The following FSTL4 variants were observed in gnomAD, a reference collection of about 807,000 sequenced individuals.
FSTL4 encodes follistatin like 4.
Under a neutral mutation model 78.2 loss-of-function variants are expected in FSTL4, and 28 were observed. That is an observed-to-expected ratio of 0.36 (90% CI 0.27 to 0.49). The LOEUF is 0.49. Among genes scored for constraint, FSTL4 ranks in the 20% least tolerant of loss-of-function variants. The pLI is 0.98. For synonymous variants in FSTL4, 422 were observed against 440.5 expected (o/e 0.96, Z 0.53); for missense variants, 922 against 1,084.9 (o/e 0.85, Z 2.11).
At chr5:133,733,486 C>T in the FSTL4 span, among the ~76,000 whole-genome samples, 1 of 152,178 alleles carries the variant, frequency 6.6e-6, no homozygotes, top group Non-Finnish European at 1.5e-5. Flanking sequence ...AGCAAACTTC[C>T]ATTTTCAGGA....
chr5:133,746,553 G>GA, the FSTL4 span, among the ~76,000 whole-genome samples: 1 of 152,152 alleles, frequency 6.6e-6, no homozygotes, highest in Non-Finnish European at 1.5e-5. Context: ...ACTCTGGATA[G>GA]AAAAAATAAT....
Position 133,426,947 on chromosome 5 carries a change from G to A in FSTL4, c.161-25961C>T, listed in dbSNP as rs941789603. ...GCATGTCTTATGTTCTCAGTGTTCC[G>A]TCTCTCAAATGCCCAACGGCCCAGA... is the stretch of plus-strand genomic sequence containing the variant. On this transcript the variant is annotated intron_variant, in intron 3 of 15. Coordinates refer to ENST00000265342, the MANE Select transcript of FSTL4 (RefSeq NM_015082.2). The surrounding 1 kb of genome is among the most constrained non-coding windows in gnomAD (Gnocchi z 5.0). 2.6e-5 allele frequency among the ~76,000 whole-genome samples: 4 copies of A among 152,138 alleles called. No homozygotes were observed. The highest frequency in any genetic ancestry group is 1.9e-4 in the East Asian group (1 of 5,186).
chr5:133,613,602 C>T (rs139300808), upstream of FSTL4, among the ~76,000 whole-genome samples: 1 of 152,238 alleles, frequency 6.6e-6, no homozygotes, highest in East Asian at 1.9e-4. Flanking sequence ...CCCTCCAATG[C>T]AGCAGGCACT....
rs187914481 is a variant in FSTL4 at position 133,345,578 on chromosome 5, C to T, written c.410-28926G>A. Among the ~76,000 whole-genome samples the T allele has an allele frequency of 1.1e-3, 172 of 152,224 alleles. 1 individual carries two copies. The highest frequency in any genetic ancestry group is 3.9e-3 in the African/African-American group (162 of 41,524). The stretch of plus-strand genomic sequence containing the variant: ...TAGGTTTTACATTTAAGTCTTTAGT[C>T]CATCTTGAATTAATTTTTGTACAAG... On this transcript the variant is annotated intron_variant, in intron 4 of 15. Transcript: ENST00000265342.
At chr5:133,414,496 C>T (rs960188357) in intron 3 of FSTL4, among the ~76,000 whole-genome samples, 7 of 152,188 alleles carry the variant, frequency 4.6e-5, no homozygotes, top group African/African-American at 1.2e-4. Flanking sequence ...CCAAAACCAA[C>T]GTTCACCTAG....
the FSTL4 span, among the ~76,000 whole-genome samples, chr5:133,817,639 A>G: frequency 1.3e-5 from 2 of 152,200 alleles, no homozygotes. Context: ...ACAAAGAGCA[A>G]GAGAATGAGG....
intron 3 of FSTL4, among the ~76,000 whole-genome samples, chr5:133,525,424 G>A (rs1291661604): frequency 6.6e-6 from 1 of 152,212 alleles, no homozygotes; most frequent in African/African-American, 2.4e-5. Flanking sequence ...ATTAGAGCAA[G>A]CTAAATTAGG....
chr5:133,372,879 G>A (rs1755346044), intron 4 of FSTL4, among the ~76,000 whole-genome samples: 1 of 152,174 alleles, frequency 6.6e-6, no homozygotes, highest in East Asian at 1.9e-4. Context: ...CTTGTAACAG[G>A]CTTCTTCATG....
chr5:133,599,503 T>A (rs1454203643), intron 2 of FSTL4, among the ~76,000 whole-genome samples: 1 of 152,194 alleles, frequency 6.6e-6, no homozygotes, highest in Non-Finnish European at 1.5e-5. Context: ...TCAAAACCTA[T>A]CTCTGGTCTA....
intron 6 of FSTL4, among the ~76,000 whole-genome samples, chr5:133,289,504 C>T (rs1322312119): frequency 1.3e-5 from 2 of 152,200 alleles, no homozygotes; most frequent in Non-Finnish European, 2.9e-5. Context: ...GTCAGGAGCT[C>T]CTGAGAGTGG....
intron 3 of FSTL4, among the ~76,000 whole-genome samples, chr5:133,475,243 T>A: frequency 6.6e-6 from 1 of 152,196 alleles, no homozygotes; most frequent in East Asian, 1.9e-4. Context: ...TAACTACCAA[T>A]AGGTGGGAGA....
chr5:133,619,414 T>A, the FSTL4 span, among the ~76,000 whole-genome samples: 137,816 of 152,270 alleles, frequency 0.91, 62,566 homozygotes, highest in African/African-American at 0.97. Context: ...TACTCAAAGT[T>A]GAAAACACAT....
rs1452435673 is a variant in FSTL4, at chr5:133,457,258, A to G, written c.161-56272T>C. Among the ~76,000 whole-genome samples the G allele has an allele frequency of 6.6e-5, 10 of 152,334 alleles. No individual in the cohort carries two copies. In the East Asian group the frequency reaches 1.5e-3, roughly 24 times the overall value. ...ATGGCCTGGTTGTGCAAGATGCCAC[A>G]TGCCATGGAACTGCAAACAGCATGC... is the stretch of plus-strand genomic sequence containing the variant. On this transcript the variant is annotated intron_variant, in intron 3 of 15. Transcript: ENST00000265342.
chr5:133,217,079 A>G (rs952684832), intron 13 of FSTL4, 150 bp downstream of exon 13: 16 of 614,724 alleles, frequency 2.6e-5, no homozygotes, highest in Non-Finnish European at 4.3e-5. Flanking sequence ...GTAGACAATC[A>G]ATACTTCACG....
At chr5:133,383,156 C>T (rs968136405) in intron 4 of FSTL4, among the ~76,000 whole-genome samples, 15 of 152,210 alleles carry the variant, frequency 9.9e-5, no homozygotes, top group African/African-American at 3.4e-4. Context: ...AAATGTCTCC[C>T]AGTCACAGCT....
At chr5:133,302,131 C>A (rs1365927077) in intron 6 of FSTL4, among the ~76,000 whole-genome samples, 1 of 152,046 alleles carries the variant, frequency 6.6e-6, no homozygotes, top group Non-Finnish European at 1.5e-5. Flanking sequence ...TATCAGCCTT[C>A]ATATGTAAAG....
the FSTL4 span, among the ~76,000 whole-genome samples, chr5:133,750,914 C>T: frequency 6.6e-6 from 1 of 152,038 alleles, no homozygotes; most frequent in Non-Finnish European, 1.5e-5. Context: ...AGAACGCATC[C>T]CTCCCTCTGC....
chr5:133,761,008 A>T, the FSTL4 span, among the ~76,000 whole-genome samples: 3 of 152,210 alleles, frequency 2.0e-5, no homozygotes, highest in African/African-American at 7.2e-5. Flanking sequence ...CACAGACTTC[A>T]TCCCGTTAGA....
At position 133,245,791 on chromosome 5, in the gene FSTL4, G is replaced by T. The variant is rs189068739; in HGVS notation, c.894+3619C>A. Among the ~76,000 whole-genome samples, 240 of 152,292 alleles carry T rather than the reference G, an allele frequency of 1.6e-3. 2 individuals are homozygous for T. Among genetic ancestry groups the T allele is most frequent in the African/African-American group, 5.2e-3 (216 of 41,558 alleles). The stretch of plus-strand genomic sequence containing the variant: ...CATTACTCGCTGCAAAATCTGACTG[G>T]CTCCTTCTTACTTGGCTCCAGGCGA... On this transcript the variant is annotated intron_variant, in intron 7 of 15. Coordinates refer to ENST00000265342, the MANE Select transcript of FSTL4 (RefSeq NM_015082.2).
Sources: allele counts gnomAD v4.1 joint callset (sites outside exome capture counted in the v4.1 genomes callset), GRCh38; gene constraint gnomAD v4.1.1; non-coding constraint Gnocchi (gnomAD v3.1); transcripts MANE v1.5; gene names NCBI Gene and HGNC (gene_info 2026-07-23, HGNC 2026-07-21).